The following UFSP2 variants were observed in gnomAD, a reference collection of about 807,000 sequenced individuals.
UFSP2 encodes the protein ufm1-specific protease 2.
UFSP2 carries 43 observed loss-of-function variants against 60.2 expected under a neutral mutation model. The observed-to-expected ratio is 0.71, with a 90% confidence interval of 0.56 to 0.92. The LOEUF (loss-of-function observed/expected upper bound fraction) is 0.92, where lower values mean the gene tolerates loss of function less well. Ranked by LOEUF, UFSP2 falls within the 40% of genes least tolerant of loss-of-function variation. The pLI is 0.00. For missense variants in UFSP2, 520 were observed against 575.0 expected (o/e 0.90, Z 0.98); for synonymous variants, 183 against 195.1 (o/e 0.94, Z 0.52).
intron 1 of UFSP2, among the ~76,000 whole-genome samples, chr4:185,424,644 TA>T (rs2095555795): frequency 6.6e-6 from 1 of 152,220 alleles, no homozygotes; most frequent in Non-Finnish European, 1.5e-5. Context: ...TAGCTATTAA[TA>T]AGAAATCAGT....
rs1314440213 is a variant in UFSP2 at position 185,415,281 on chromosome 4, T to C, written c.558A>G (p.Lys186=). Residue 186 remains lysine, a synonymous_variant, in exon 6 of 12, where the codon AAA becomes AAG. Transcript: ENST00000264689. ...CCACAATAGATGTTCCTTTCATATA[T>C]TTCAAAATACATTTTTCCATGTCAG... The part of the protein sequence containing the change: ...QLTDMEKCIL[K]YMKGTSIVVP... 6.2e-7 allele frequency: 1 copy of C among 1,602,170 alleles called. No individual in the cohort carries two copies. Among genetic ancestry groups the C allele is most frequent in the Non-Finnish European group, 8.5e-7 (1 of 1,177,498 alleles).
rs778264929 is a variant in UFSP2 at position 185,405,916 on chromosome 4, G to C, written c.1122-60C>G. On this transcript the variant is annotated intron_variant, in intron 9 of 11. Transcript: ENST00000264689. Reference sequence around the variant, plus strand: ...TTCCAACACTACGGTCAAATAATGAGCTAGGAGACAATGTTTCCTACTTTC... The same window carrying C: ...TTCCAACACTACGGTCAAATAATGACCTAGGAGACAATGTTTCCTACTTTC... 9.9e-6 allele frequency: 16 copies of C among 1,612,356 alleles called. No homozygotes were observed. In the South Asian group the frequency reaches 1.6e-4, roughly 17 times the overall value.
intron 6 of UFSP2, 57 bp from the exon 7 acceptor site, chr4:185,413,929 G>T: frequency 6.9e-7 from 1 of 1,448,362 alleles, no homozygotes; most frequent in Non-Finnish European, 9.3e-7. Flanking sequence ...TAGATTCCTA[G>T]TCAATAAATA....
chr4:185,411,973 A>G (rs1189207336), intron 7 of UFSP2, among the ~76,000 whole-genome samples: 1 of 152,214 alleles, frequency 6.6e-6, no homozygotes, highest in Non-Finnish European at 1.5e-5. Flanking sequence ...CTTTTTAAAA[A>G]GGAAGGAAAT....
chr4:185,418,540 G>A (rs1219241776), intron 3 of UFSP2, 33 bp from the exon 4 acceptor site: 2 of 1,609,310 alleles, frequency 1.2e-6, no homozygotes, highest in Admixed American at 1.7e-5. Context: ...TTTATAATAT[G>A]AAATGATGTT....
intron 9 of UFSP2, among the ~76,000 whole-genome samples, chr4:185,407,017 CTTTTTTTTTT>C (rs34710879): frequency 1.1e-4 from 11 of 99,094 alleles, no homozygotes; most frequent in Non-Finnish European, 2.2e-4. Context: ...TTTGGCTTTT[CTTTTTTTTTT>C]TTTTTTTTTT....
At position 185,422,547 on chromosome 4, in the gene UFSP2, A is replaced by C. The variant is rs779376444; in HGVS notation, c.20T>G (p.Met7Arg). 4.4e-6 allele frequency: 7 copies of C among 1,608,452 alleles called. No individual in the cohort carries two copies. The highest frequency in any genetic ancestry group is 5.9e-6 in the Non-Finnish European group (7 of 1,178,226). Residue 7 changes from methionine (M) to arginine (R), a missense_variant, in exon 2 of 12, where the codon ATG becomes AGG. Physicochemically the swap from Met to Arg is moderately conservative, Grantham distance 91 (BLOSUM62 -1). Coordinates refer to ENST00000264689, the MANE Select transcript of UFSP2 (RefSeq NM_018359.5). MVISES[M>R]DILFRIRGGL... ...TCCTCTTATTCTGAAGAGTATATCCATACTTTCTGAAATCACCTAGAACAA... is the reference window on the plus strand; with the variant it reads ...TCCTCTTATTCTGAAGAGTATATCCCTACTTTCTGAAATCACCTAGAACAA...
intron 1 of UFSP2, among the ~76,000 whole-genome samples, chr4:185,423,726 A>T (rs975684616): frequency 4.2e-4 from 64 of 152,284 alleles, no homozygotes; most frequent in Non-Finnish European, 6.5e-4. Context: ...GTAGTTGATG[A>T]TATATCACAA....
chr4:185,402,436 C>A, intron 11 of UFSP2: 1 of 392,768 alleles, frequency 2.5e-6, no homozygotes, highest in Non-Finnish European at 4.9e-6. Context: ...AAACAAAAGA[C>A]TTCAGTAAAC....
rs10003160 is a variant in UFSP2 at position 185,418,430 on chromosome 4, A to G, written c.333+11T>C. 1 allele frequency: 1,587,328 copies of G among 1,589,852 alleles called. 792,428 individuals carry two copies. The highest frequency in any genetic ancestry group is 1 in the East Asian group (44,664 of 44,664). On this transcript the variant is annotated intron_variant, in intron 4 of 11. Transcript: ENST00000264689. ...ATTTTTATCAGTACAGAAGACAGAT[A>G]GTTTGCTTACCATGTCTGATAACTT...
chr4:185,418,464 TC>T lies in UFSP2; in HGVS notation c.309del (p.Lys104ArgfsTer11). The T allele has an allele frequency of 6.2e-7, 1 of 1,610,668 alleles. No individual in the cohort carries two copies. Among genetic ancestry groups the T allele is most frequent in the Non-Finnish European group, 8.5e-7 (1 of 1,177,420 alleles). On this transcript the variant is annotated frameshift_variant, in exon 4 of 12. Coordinates refer to ENST00000264689, the MANE Select transcript of UFSP2 (RefSeq NM_018359.5). LOFTEE classifies it high-confidence loss of function. Reference sequence around the variant, plus strand: ...ACCATGTCTGATAACTTTTTGTCCTTCTTTCTCATGAATTTTCTTTTTATAT... The same window carrying T: ...ACCATGTCTGATAACTTTTTGTCCTTTTTCTCATGAATTTTCTTTTTATAT... ...EEDIKRKFMRKKDKKLSDMHQ... is the reference protein window; with the variant it reads ...EEDIKRKFMRXKDKKLSDMHQ...
intron 2 of UFSP2, among the ~76,000 whole-genome samples, chr4:185,422,101 C>T (rs977500213): frequency 6.6e-6 from 1 of 152,178 alleles, no homozygotes; most frequent in African/African-American, 2.4e-5. Flanking sequence ...TTGTACTCAT[C>T]CCCATATAAT....
chr4:185,400,429 T>G lies in UFSP2; in HGVS notation c.1373A>C (p.Tyr458Ser), dbSNP rs544351411. 6.2e-7 allele frequency: 1 copy of G among 1,613,974 alleles called. No individual in the cohort carries two copies. The highest frequency in any genetic ancestry group is 1.7e-5 in the Admixed American group (1 of 60,006). The change falls in exon 12 of 12, where the codon TAT becomes TCT. Residue 458 changes from tyrosine to serine, a missense_variant. Physicochemically the swap from Tyr to Ser is moderately radical, Grantham distance 144 (BLOSUM62 -2). Coordinates refer to ENST00000264689, the MANE Select transcript of UFSP2 (RefSeq NM_018359.5). The stretch of plus-strand genomic sequence containing the variant: ...TGGTCGCTGAGGAAGACATAAGTTA[T>G]AGTATGCATCCTTGTTCCAAAAATC... Reference protein sequence around the residue: ...GPDFWNKDAYYNLCLPQRPNM... With the variant: ...GPDFWNKDAYSNLCLPQRPNM...
At chr4:185,409,582 G>T (rs2095525755) in intron 7 of UFSP2, among the ~76,000 whole-genome samples, 1 of 152,186 alleles carries the variant, frequency 6.6e-6, no homozygotes, top group Non-Finnish European at 1.5e-5. Flanking sequence ...TATATATTCT[G>T]CCCAAGCACA....
chr4:185,407,632 A>G (rs2095522763), intron 9 of UFSP2, among the ~76,000 whole-genome samples: 1 of 152,154 alleles, frequency 6.6e-6, no homozygotes, highest in South Asian at 2.1e-4. Context: ...AACTGTTAAT[A>G]TAATTTTTAT....
intron 7 of UFSP2, among the ~76,000 whole-genome samples, chr4:185,411,114 C>A (rs1251566685): frequency 1.4e-5 from 2 of 142,728 alleles, no homozygotes; most frequent in Non-Finnish European, 1.5e-5. Flanking sequence ...CCAACAAAGC[C>A]AAAAGTTTTT....
chr4:185,414,056 T>C (rs2095534190), intron 6 of UFSP2, among the ~76,000 whole-genome samples, 184 bp from the exon 7 acceptor site: 2 of 152,212 alleles, frequency 1.3e-5, no homozygotes, highest in African/African-American at 2.4e-5. Flanking sequence ...GTAAGATTTA[T>C]TTTCGTTTAC....
chr4:185,403,658 A>G (rs747789971), intron 10 of UFSP2, 40 bp from the exon 11 acceptor site: 1 of 1,597,080 alleles, frequency 6.3e-7, no homozygotes, highest in Non-Finnish European at 8.5e-7. Context: ...GAAGGCATAA[A>G]CAAATGTCAA....
At chr4:185,410,248 A>G (rs2095526912) in intron 7 of UFSP2, among the ~76,000 whole-genome samples, 1 of 152,180 alleles carries the variant, frequency 6.6e-6, no homozygotes, top group Admixed American at 6.5e-5. Flanking sequence ...CCATAATAGA[A>G]AAATATAAAA....
Sources: allele counts gnomAD v4.1 joint callset (sites outside exome capture counted in the v4.1 genomes callset), GRCh38; gene constraint gnomAD v4.1.1; transcripts MANE v1.5; gene names NCBI Gene and HGNC (gene_info 2026-07-23, HGNC 2026-07-21).